The following SLIT3 variants were observed in gnomAD, a reference collection of about 807,000 sequenced individuals.
SLIT3 encodes the protein slit guidance ligand 3.
In SLIT3, 68 loss-of-function variants were observed where a neutral mutation model predicts 184.0. That is an observed-to-expected ratio of 0.37 (90% CI 0.30 to 0.45). The LOEUF is 0.45. SLIT3 is among the 20% of genes least tolerant of loss of function. The pLI is 1.00. For synonymous variants in SLIT3, 831 were observed against 828.6 expected, an observed-to-expected ratio of 1.00 and a Z score of -0.05; for missense variants, 1,707 against 2,026.0, an observed-to-expected ratio of 0.84 and a Z score of 3.02.
intron 4 of SLIT3, among the ~76,000 whole-genome samples, chr5:169,073,019 C>T (rs1758610848): frequency 6.6e-6 from 1 of 152,194 alleles, no homozygotes; most frequent in South Asian, 2.1e-4. Context: ...ACAGCACATT[C>T]ATTTAATATT....
At chr5:168,712,489 C>T (rs1762588794) in intron 23 of SLIT3, 135 bp from the exon 24 acceptor site, 3 of 721,992 alleles carry the variant, frequency 4.2e-6, no homozygotes, top group Non-Finnish European at 4.9e-6. Context: ...GTAGCTGCTG[C>T]CCCCTTTGCT....
At chr5:168,683,486 G>T (rs1163613274) in intron 32 of SLIT3, among the ~76,000 whole-genome samples, 1 of 152,162 alleles carries the variant, frequency 6.6e-6, no homozygotes, top group Non-Finnish European at 1.5e-5. Flanking sequence ...CTGCTGGAGA[G>T]GCTGAAGTTT....
chr5:169,218,190 C>T (rs886963552), intron 3 of SLIT3, among the ~76,000 whole-genome samples: 2 of 152,126 alleles, frequency 1.3e-5, no homozygotes, highest in Non-Finnish European at 2.9e-5. Context: ...TTCAAATGTC[C>T]CCATATTCTT....
intron 5 of SLIT3, among the ~76,000 whole-genome samples, chr5:168,864,235 G>A (rs1393901128): frequency 6.6e-6 from 1 of 152,096 alleles, no homozygotes; most frequent in African/African-American, 2.4e-5. Flanking sequence ...CAAGCATAAT[G>A]CTTAAAAACA....
At chr5:169,193,684 G>T (rs1292467244) in intron 3 of SLIT3, 134 bp from the exon 4 acceptor site, 1 of 742,566 alleles carries the variant, frequency 1.3e-6, no homozygotes, top group Non-Finnish European at 2.5e-6. Flanking sequence ...AGTATGGGCT[G>T]CTCAACACAT....
At chr5:169,008,046 T>C (rs186003138) in intron 4 of SLIT3, among the ~76,000 whole-genome samples, 18 of 152,322 alleles carry the variant, frequency 1.2e-4, no homozygotes, top group Admixed American at 2.0e-4. Context: ...AGGGCCATTG[T>C]TCTGCCATGA....
chr5:169,294,635 T>C (rs1396833818), intron 1 of SLIT3, among the ~76,000 whole-genome samples: 1 of 152,212 alleles, frequency 6.6e-6, no homozygotes, highest in Non-Finnish European at 1.5e-5. Flanking sequence ...GCCACTAACA[T>C]GAATAGTTCA....
intron 25 of SLIT3, among the ~76,000 whole-genome samples, chr5:168,710,543 C>T (rs1159262401): frequency 6.6e-6 from 1 of 151,348 alleles, no homozygotes. Flanking sequence ...ACAGGAGGAT[C>T]GTTGGAGATC....
At chr5:168,701,644 C>A (rs1308248660) in intron 26 of SLIT3, among the ~76,000 whole-genome samples, 1 of 152,236 alleles carries the variant, frequency 6.6e-6, no homozygotes, top group African/African-American at 2.4e-5. Flanking sequence ...GGCCTTCTGG[C>A]TCCTGCTTCT....
chr5:169,241,042 C>CT (rs1561760451), intron 3 of SLIT3, among the ~76,000 whole-genome samples: 1 of 151,928 alleles, frequency 6.6e-6, no homozygotes, highest in South Asian at 2.1e-4. Flanking sequence ...CTATTCTAAG[C>CT]TTTTTTTGAA....
chr5:168,666,387 G>C lies in SLIT3; in HGVS notation c.*67C>G. On this transcript the variant is annotated 3_prime_UTR_variant, in exon 36 of 36. Coordinates refer to ENST00000519560, the MANE Select transcript of SLIT3 (RefSeq NM_003062.4). Reference sequence around the variant, plus strand: ...TTCCTTCATGCTGAATCACCAGGGGGTCCCACATGGCTGTCCCAACTCCAT... The same window carrying C: ...TTCCTTCATGCTGAATCACCAGGGGCTCCCACATGGCTGTCCCAACTCCAT... The C allele has an allele frequency of 7.1e-7, 1 of 1,416,822 alleles. No homozygotes were observed. Among genetic ancestry groups the C allele is most frequent in the Non-Finnish European group, 9.3e-7 (1 of 1,077,412 alleles). The allele number at this position is 1,416,822 out of a possible 1,614,324, so 87.8% of individuals were successfully genotyped here.
Position 169,053,961 on chromosome 5 carries a change from C to T in SLIT3, c.413+139518G>A, listed in dbSNP as rs547091750. 3.9e-5 allele frequency among the ~76,000 whole-genome samples: 6 copies of T among 152,052 alleles called. No individual in the cohort carries two copies. In the South Asian group the frequency reaches 1.2e-3, roughly 32 times the overall value. On this transcript the variant is annotated intron_variant, in intron 4 of 35. Coordinates refer to ENST00000519560, the MANE Select transcript of SLIT3 (RefSeq NM_003062.4). ...CAAAAGTTAGCCAGGCCTGGTGGCG[C>T]ACGCCTGTAATCCCAGCTACTCGGG...
chr5:169,248,048 T>C (rs1765656691), intron 2 of SLIT3, among the ~76,000 whole-genome samples: 1 of 152,090 alleles, frequency 6.6e-6, no homozygotes, highest in Non-Finnish European at 1.5e-5. Context: ...TCTCCTTCCC[T>C]GCCAAGCCAC....
In SLIT3 at chr5:168,762,576, G is replaced by C; in HGVS notation, c.1573C>G (p.Arg525Gly). The C allele has an allele frequency of 6.2e-7, 1 of 1,614,074 alleles. No homozygotes were observed. The highest frequency in any genetic ancestry group is 8.5e-7 in the Non-Finnish European group (1 of 1,179,982). ...TATTCAGGGAGGTGGCTTGGGATGCGGACCAGCTTCTGGTTGGAGCAGTCC... is the reference window on the plus strand; with the variant it reads ...TATTCAGGGAGGTGGCTTGGGATGCCGACCAGCTTCTGGTTGGAGCAGTCC... ...IVDCSNQKLV[R>G]IPSHLPEYVT... Residue 525 changes from arginine (R) to glycine (G), a missense_variant, in exon 15 of 36, where the codon CGC becomes GGC. By Grantham distance (125) the Arg-to-Gly change is moderately radical. Around this residue, in one of 3 missense-constraint regions of SLIT3, gnomAD observed 1,307 missense variants for 1,511.6 expected, o/e 0.86. Transcript: ENST00000519560.
At chr5:168,775,292 C>T (rs1755704578) in intron 12 of SLIT3, among the ~76,000 whole-genome samples, 1 of 152,182 alleles carries the variant, frequency 6.6e-6, no homozygotes, top group Non-Finnish European at 1.5e-5. Context: ...CCTGCCTTGG[C>T]CTCCAAAGTG....
At chr5:168,806,390 C>T (rs928370088) in intron 9 of SLIT3, 56 bp downstream of exon 9, 24 of 1,601,476 alleles carry the variant, frequency 1.5e-5, no homozygotes, top group Non-Finnish European at 2.0e-5. Context: ...TGGGCTGGGA[C>T]AGGGAGCTGA....
chr5:169,180,153 A>G (rs1763111086), intron 4 of SLIT3, among the ~76,000 whole-genome samples: 1 of 152,196 alleles, frequency 6.6e-6, no homozygotes, highest in Non-Finnish European at 1.5e-5. Flanking sequence ...TGGCTGAGCC[A>G]GGACTTGAAT....
intron 35 of SLIT3, among the ~76,000 whole-genome samples, chr5:168,667,446 G>C (rs1391940709): frequency 3.3e-5 from 5 of 152,238 alleles, no homozygotes; most frequent in Non-Finnish European, 7.3e-5. Context: ...AGCTGGAGTT[G>C]ATATCTGAAT....
chr5:169,197,981 C>T (rs563348337), intron 3 of SLIT3, among the ~76,000 whole-genome samples: 9 of 152,286 alleles, frequency 5.9e-5, no homozygotes, highest in African/African-American at 2.2e-4. Flanking sequence ...TCGAACCCAT[C>T]CATGTATCCA....
Sources: gnomAD v4.1 joint callset for allele counts (sites outside exome capture counted in the v4.1 genomes callset) on GRCh38, gnomAD v4.1.1 for gene constraint, gnomAD v4.1.1 regional missense constraint, MANE v1.5 for transcripts, NCBI Gene and HGNC (gene_info 2026-07-23, HGNC 2026-07-21) for gene names.